The following GRIK4 variants were observed in gnomAD, a reference collection of about 807,000 sequenced individuals.
The protein encoded by GRIK4 is glutamate receptor ionotropic, kainate 4.
In GRIK4, 40 loss-of-function variants were observed where a neutral mutation model predicts 104.9. The observed-to-expected ratio is 0.38, with a 90% CI of 0.30 to 0.50. GRIK4 has a LOEUF of 0.50. Ranked by LOEUF, GRIK4 falls within the 20% of genes least tolerant of loss-of-function variation. The pLI is 0.93. For synonymous variants in GRIK4, 485 were observed against 524.9 expected (o/e 0.92, Z 1.04); for missense variants, 1,047 against 1,308.1 (o/e 0.80, Z 3.08).
Position 120,695,018 on chromosome 11 carries a change from G to A in GRIK4, c.82+34618G>A, listed in dbSNP as rs553375002. 2.6e-5 allele frequency among the ~76,000 whole-genome samples: 4 copies of A among 152,084 alleles called. No individual in the cohort carries two copies. The East Asian group carries it at 5.8e-4, about 22-fold the overall frequency. ...AGGAAGGTATTAAAAAAAGAATCCC[G>A]AGCCTCAGCCTCAGCCAGTCCTGCT... On this transcript the variant is annotated intron_variant, in intron 3 of 20. Transcript: ENST00000527524.
intron 11 of GRIK4, among the ~76,000 whole-genome samples, chr11:120,885,242 A>G (rs1370914522): frequency 6.6e-6 from 1 of 152,202 alleles, no homozygotes; most frequent in Non-Finnish European, 1.5e-5. Flanking sequence ...CCTCGTGTTG[A>G]CTGATCCTGC....
At chr11:120,688,750 G>C (rs1023046992) in intron 3 of GRIK4, among the ~76,000 whole-genome samples, 1 of 152,198 alleles carries the variant, frequency 6.6e-6, no homozygotes, top group Admixed American at 6.5e-5. Flanking sequence ...AGTCAAGGAT[G>C]CTTTACATTG....
At chr11:120,519,485 G>T (rs574278686) in intron 1 of GRIK4, among the ~76,000 whole-genome samples, 58 of 152,284 alleles carry the variant, frequency 3.8e-4, no homozygotes, top group Admixed American at 7.2e-4. Context: ...GCCCTCACCC[G>T]ACACTGAATC....
At chr11:120,765,244 G>T (rs937243595) in intron 3 of GRIK4, among the ~76,000 whole-genome samples, 2 of 150,924 alleles carry the variant, frequency 1.3e-5, no homozygotes, top group African/African-American at 4.9e-5. Context: ...CTGCTTGATC[G>T]GTTTGGCTAT....
At chr11:120,867,194 G>A (rs909461651) in intron 9 of GRIK4, among the ~76,000 whole-genome samples, 1 of 152,102 alleles carries the variant, frequency 6.6e-6, no homozygotes, top group Non-Finnish European at 1.5e-5. Context: ...TCACGGCAGC[G>A]ACAATAGCAA....
At chr11:120,760,293 G>A (rs958742264) in intron 3 of GRIK4, among the ~76,000 whole-genome samples, 6 of 150,270 alleles carry the variant, frequency 4.0e-5, no homozygotes, top group African/African-American at 7.3e-5. Context: ...CTCTAGGTCC[G>A]TCCATGTTGT....
intron 3 of GRIK4, among the ~76,000 whole-genome samples, chr11:120,756,902 G>C (rs1031136664): frequency 7.9e-5 from 12 of 152,196 alleles, no homozygotes; most frequent in Non-Finnish European, 1.6e-4. Flanking sequence ...CCTGCAGCCA[G>C]CCCAGCCAGC....
chr11:120,518,293 T>C (rs1313931602), intron 1 of GRIK4, among the ~76,000 whole-genome samples: 1 of 152,218 alleles, frequency 6.6e-6, no homozygotes, highest in African/African-American at 2.4e-5. Context: ...GCAGCTGTGC[T>C]GAGCACGAGT....
intron 14 of GRIK4, among the ~76,000 whole-genome samples, chr11:120,943,807 C>T (rs1232342087): frequency 1.3e-5 from 2 of 152,156 alleles, no homozygotes; most frequent in East Asian, 3.8e-4. Context: ...AAATAATTAA[C>T]TTAGAGTGCC....
intron 7 of GRIK4, among the ~76,000 whole-genome samples, chr11:120,833,890 T>C (rs1374634442): frequency 6.6e-6 from 1 of 152,238 alleles, no homozygotes; most frequent in Non-Finnish European, 1.5e-5. Flanking sequence ...ATTTTCCCCA[T>C]GTCATTAAAC....
intron 3 of GRIK4, among the ~76,000 whole-genome samples, chr11:120,793,056 C>T (rs1026618527): frequency 7.9e-5 from 12 of 152,158 alleles, no homozygotes; most frequent in Non-Finnish European, 1.5e-4. Flanking sequence ...CATATATGCT[C>T]TTCTTAGGAC....
chr11:120,794,829 G>A (rs1952479224), intron 3 of GRIK4, among the ~76,000 whole-genome samples: 1 of 152,172 alleles, frequency 6.6e-6, no homozygotes, highest in African/African-American at 2.4e-5. Context: ...GCTGGTAGCG[G>A]CCCAGCCTGG....
At chr11:120,804,334 G>GAAC (rs772104289) in intron 4 of GRIK4, among the ~76,000 whole-genome samples, 1 of 152,176 alleles carries the variant, frequency 6.6e-6, no homozygotes, top group Admixed American at 6.5e-5. Context: ...GGGCTGTTAG[G>GAAC]GTTTCAAGAA....
intron 1 of GRIK4, among the ~76,000 whole-genome samples, chr11:120,605,059 C>T (rs1228617095): frequency 6.6e-6 from 1 of 152,208 alleles, no homozygotes; most frequent in African/African-American, 2.4e-5. Flanking sequence ...TGGTCTTGAA[C>T]TCCTGGGCTC....
chr11:120,674,051 G>A (rs1389158526), intron 3 of GRIK4, among the ~76,000 whole-genome samples: 2 of 152,136 alleles, frequency 1.3e-5, no homozygotes, highest in African/African-American at 2.4e-5. Flanking sequence ...TGGCCCCTCT[G>A]AGACCTGCAG....
intron 13 of GRIK4, chr11:120,936,749 T>A (rs879824663): frequency 6.6e-6 from 1 of 152,616 alleles, no homozygotes; most frequent in Non-Finnish European, 1.5e-5. Context: ...CTCAGTGTAC[T>A]TCAGTGGCTG....
At chr11:120,561,408 A>G (rs555518203) in intron 1 of GRIK4, among the ~76,000 whole-genome samples, 3 of 152,272 alleles carry the variant, frequency 2.0e-5, no homozygotes, top group Non-Finnish European at 4.4e-5. Flanking sequence ...CTCTTCCTGC[A>G]CGCTCACCAG....
intron 3 of GRIK4, among the ~76,000 whole-genome samples, chr11:120,689,419 C>T (rs1284931572): frequency 7.9e-5 from 12 of 152,228 alleles, no homozygotes; most frequent in Admixed American, 4.6e-4. Context: ...ATACCAACTC[C>T]TTAGTGTGCA....
At position 120,986,585 on chromosome 11, in the gene GRIK4, C is replaced by T. The variant is rs1944758811; in HGVS notation, c.*325C>T. Reference sequence around the variant, plus strand: ...ATAGGGTGGGGGGTCCCTACCCAGACCAGTCCAATGAATTGGTGGAATCAT... The same window carrying T: ...ATAGGGTGGGGGGTCCCTACCCAGATCAGTCCAATGAATTGGTGGAATCAT... On this transcript the variant is annotated 3_prime_UTR_variant, in exon 21 of 21. Coordinates refer to ENST00000527524, the MANE Select transcript of GRIK4 (RefSeq NM_014619.5). 2 of 261,112 alleles carry T rather than the reference C, an allele frequency of 7.7e-6. No homozygotes were observed. The highest frequency in any genetic ancestry group is 1.4e-5 in the Non-Finnish European group (2 of 140,708). 16.2% of individuals were successfully genotyped at this position (261,112 alleles called of 1,614,324 possible).
Sources: gnomAD v4.1 joint callset for allele counts (sites outside exome capture counted in the v4.1 genomes callset) on GRCh38, gnomAD v4.1.1 for gene constraint, MANE v1.5 for transcripts, NCBI Gene and HGNC (gene_info 2026-07-23, HGNC 2026-07-21) for gene names.